The following STMN2 variants were observed in gnomAD, a reference collection of about 807,000 sequenced individuals.
STMN2 encodes the protein stathmin 2.
STMN2 carries 2 observed loss-of-function variants against 24.1 expected under a neutral mutation model. The observed-to-expected ratio is 0.08, with a 90% CI of 0.03 to 0.26. The LOEUF is 0.26. Ranked by LOEUF, STMN2 falls within the 10% of genes least tolerant of loss-of-function variation. The pLI is 1.00. For synonymous variants in STMN2, 83 were observed against 77.5 expected (o/e 1.07, Z -0.37); for missense variants, 114 against 213.6 (o/e 0.53, Z 2.91).
chr8:79,641,514 C>T lies in STMN2; in HGVS notation c.252C>T (p.Ile84=). 6.2e-7 allele frequency: 1 copy of T among 1,613,658 alleles called. No individual in the cohort carries two copies. Among genetic ancestry groups the T allele is most frequent in the Non-Finnish European group, 8.5e-7 (1 of 1,179,882 alleles). Residue 84 remains isoleucine, a synonymous_variant, in exon 3 of 5, where the codon ATC becomes ATT. Coordinates refer to ENST00000220876, the MANE Select transcript of STMN2 (RefSeq NM_007029.4). ...PKKKDLSLEE[I]QKKLEAAEER... Reference sequence around the variant, plus strand: ...AGAAAGACCTGTCCCTGGAGGAGATCCAGAAGAAACTGGAGGCTGCAGAGG... The same window carrying T: ...AGAAAGACCTGTCCCTGGAGGAGATTCAGAAGAAACTGGAGGCTGCAGAGG...
Position 79,641,580 on chromosome 8 carries a change from C to T in STMN2, c.288+30C>T, listed in dbSNP as rs536656410. The stretch of plus-strand genomic sequence containing the variant: ...CTTTTTCCATAGGTTTTCCTTCTCT[C>T]TCTCCCTCCCCTGCTCCTCCCTCTC... On this transcript the variant is annotated intron_variant, in intron 3 of 4. Coordinates refer to ENST00000220876, the MANE Select transcript of STMN2 (RefSeq NM_007029.4). The T allele has an allele frequency of 6.2e-6, 10 of 1,600,532 alleles. No homozygotes were observed. In the South Asian group the frequency reaches 1.1e-4, roughly 18 times the overall value.
In STMN2 at chr8:79,624,250, C is replaced by G. The variant is rs564104470; in HGVS notation, c.20-12552C>G. On this transcript the variant is annotated intron_variant, in intron 1 of 4. Coordinates refer to ENST00000220876, the MANE Select transcript of STMN2 (RefSeq NM_007029.4). ...CGGGCGGATCACGAGGTCAGGAGAT[C>G]GAGACCATCCTGGCTAACACGGTGA... is the stretch of plus-strand genomic sequence containing the variant. Among the ~76,000 whole-genome samples the G allele has an allele frequency of 2.8e-3, 424 of 151,488 alleles. 2 individuals carry two copies. The highest frequency in any genetic ancestry group is 6.9e-3 in the South Asian group (33 of 4,796).
At chr8:79,633,514 T>G (rs1441763053) in intron 1 of STMN2, among the ~76,000 whole-genome samples, 1 of 152,224 alleles carries the variant, frequency 6.6e-6, no homozygotes, top group East Asian at 1.9e-4. Context: ...AATTTATTTT[T>G]CACAGCTTTG....
chr8:79,652,052 CT>C (rs1810344638), intron 3 of STMN2, among the ~76,000 whole-genome samples: 1 of 152,196 alleles, frequency 6.6e-6, no homozygotes, highest in African/African-American at 2.4e-5. Flanking sequence ...GCAGCTGTGG[CT>C]GATGGGTACC....
intron 2 of STMN2, among the ~76,000 whole-genome samples, chr8:79,639,624 G>A (rs1437582343): frequency 1.3e-5 from 2 of 152,084 alleles, no homozygotes; most frequent in Non-Finnish European, 2.9e-5. Context: ...TAAAACATAA[G>A]GGTCTGATAA....
At chr8:79,654,792 C>A in intron 3 of STMN2, 79 bp from the exon 4 acceptor site, 1 of 1,455,442 alleles carries the variant, frequency 6.9e-7, no homozygotes, top group South Asian at 1.3e-5. Context: ...GAAAAGAATG[C>A]TCCCTCCAAT....
At chr8:79,638,845 A>C (rs1301928942) in intron 2 of STMN2, among the ~76,000 whole-genome samples, 1 of 152,040 alleles carries the variant, frequency 6.6e-6, no homozygotes, top group African/African-American at 2.4e-5. Flanking sequence ...AAGGCATTTA[A>C]AACCCCATCA....
chr8:79,633,607 T>C (rs1174364917), intron 1 of STMN2, among the ~76,000 whole-genome samples: 1 of 152,208 alleles, frequency 6.6e-6, no homozygotes, highest in African/African-American at 2.4e-5. Context: ...TGCCAACTTC[T>C]AGCTGCATTT....
rs773538603 is a variant in STMN2, at chr8:79,611,193, A to G, written c.-3A>G. 1 of 1,614,072 alleles carries G rather than the reference A, an allele frequency of 6.2e-7. No individual in the cohort carries two copies. The highest frequency in any genetic ancestry group is 1.1e-5 in the South Asian group (1 of 91,072). ...CACTGCTCAGCGTCTGCACATCCCTACAATGGCTAAAACAGCAATGGGTAA... is the reference window on the plus strand; with the variant it reads ...CACTGCTCAGCGTCTGCACATCCCTGCAATGGCTAAAACAGCAATGGGTAA... On this transcript the variant is annotated 5_prime_UTR_variant, in exon 1 of 5. Transcript: ENST00000220876.
intron 4 of STMN2, among the ~76,000 whole-genome samples, chr8:79,658,370 C>T (rs1434788579): frequency 6.6e-6 from 1 of 152,100 alleles, no homozygotes; most frequent in Non-Finnish European, 1.5e-5. Context: ...GTTAATCATT[C>T]AATGAATATG....
Position 79,664,973 on chromosome 8 carries a change from TA to T in STMN2, c.*104del. On this transcript the variant is annotated 3_prime_UTR_variant, in exon 5 of 5. Transcript: ENST00000220876. ...AGGATGGGGAATGTATGACATGGTT[TA>T]AAAAGAACTCATTATAAAAAAAAAA... 1 of 984,140 alleles carries T rather than the reference TA, an allele frequency of 1.0e-6. No homozygotes were observed. The allele number at this position is 984,140 out of a possible 1,614,324, so 61.0% of individuals were successfully genotyped here. A position where few individuals can be genotyped will look rare whatever the true frequency, so the allele number is the denominator to read the frequency against.
At chr8:79,613,707 T>G in intron 1 of STMN2, 4 of 985,472 alleles carry the variant, frequency 4.1e-6, no homozygotes, top group Non-Finnish European at 4.8e-6. Flanking sequence ...TAACCCTTGT[T>G]GCGTTCGCTT....
intron 2 of STMN2, among the ~76,000 whole-genome samples, chr8:79,637,647 T>G (rs1296540076): frequency 6.6e-6 from 1 of 152,214 alleles, no homozygotes; most frequent in Non-Finnish European, 1.5e-5. Context: ...AAACCAAGCC[T>G]AGCTCATTAT....
intron 3 of STMN2, among the ~76,000 whole-genome samples, chr8:79,647,095 G>A (rs1810234721): frequency 1.3e-5 from 2 of 152,092 alleles, no homozygotes; most frequent in Non-Finnish European, 2.9e-5. Flanking sequence ...TGGCCCACGG[G>A]TTAGCAACAT....
chr8:79,627,851 G>T (rs1181778275), intron 1 of STMN2, among the ~76,000 whole-genome samples: 1 of 152,146 alleles, frequency 6.6e-6, no homozygotes, highest in Non-Finnish European at 1.5e-5. Flanking sequence ...GTGAGATCAT[G>T]CAGTATTTGT....
chr8:79,624,827 C>T (rs947923301), intron 1 of STMN2, among the ~76,000 whole-genome samples: 2 of 152,166 alleles, frequency 1.3e-5, no homozygotes, highest in Admixed American at 6.5e-5. Context: ...TTTATCTTTC[C>T]TTCTTGTGAA....
At chr8:79,642,981 A>G (rs1456786769) in intron 3 of STMN2, among the ~76,000 whole-genome samples, 2 of 148,418 alleles carry the variant, frequency 1.3e-5, no homozygotes, top group Non-Finnish European at 3.0e-5. Context: ...ACATATACCA[A>G]TTATAGATAT....
chr8:79,641,623 TGCACGCAC>T, intron 3 of STMN2, 73 bp downstream of exon 3: 2 of 521,004 alleles, frequency 3.8e-6, no homozygotes, highest in Non-Finnish European at 3.0e-6. Flanking sequence ...CGGGCACACA[TGCACGCAC>T]ACACACACAC....
chr8:79,645,639 T>G lies in STMN2; in HGVS notation c.288+4089T>G, dbSNP rs546788988. Among the ~76,000 whole-genome samples, 102 of 152,312 alleles carry G rather than the reference T, an allele frequency of 6.7e-4. No homozygotes were observed. In the South Asian group the frequency reaches 0.012, roughly 18 times the overall value. ...TCAAAAGAAATTTCCATTCTATGGTTTTAGTCTTTACATTGTCAGAACTAA... is the reference window on the plus strand; with the variant it reads ...TCAAAAGAAATTTCCATTCTATGGTGTTAGTCTTTACATTGTCAGAACTAA... On this transcript the variant is annotated intron_variant, in intron 3 of 4. Transcript: ENST00000220876.
Sources: gnomAD v4.1 joint callset for allele counts (sites outside exome capture counted in the v4.1 genomes callset) on GRCh38, gnomAD v4.1.1 for gene constraint, MANE v1.5 for transcripts, NCBI Gene and HGNC (gene_info 2026-07-23, HGNC 2026-07-21) for gene names.